IQCJ: variants seen among roughly 807,000 people sequenced by gnomAD.
IQCJ encodes IQ domain-containing protein J.
In IQCJ, 9 loss-of-function variants were observed where a neutral mutation model predicts 11.0. The ratio of observed to expected loss-of-function variants is 0.82; its 90% CI spans 0.49 to 1.43. The LOEUF (loss-of-function observed/expected upper bound fraction) is 1.43, where lower values mean the gene tolerates loss of function less well. IQCJ is among the 40% of genes most tolerant of loss of function. The pLI is 0.00. For synonymous variants in IQCJ, 55 were observed against 51.3 expected (o/e 1.07, Z -0.31); for missense variants, 146 against 133.2 (o/e 1.10, Z -0.47).
At chr3:159,239,960 A>C (rs1726820844) in intron 1 of IQCJ, among the ~76,000 whole-genome samples, 1 of 152,198 alleles carries the variant, frequency 6.6e-6, no homozygotes, top group African/African-American at 2.4e-5. Context: ...CACAATGATG[A>C]AATCTCCTAA....
chr3:159,160,254 A>G (rs1721760895), intron 1 of IQCJ, among the ~76,000 whole-genome samples: 1 of 152,230 alleles, frequency 6.6e-6, no homozygotes, highest in East Asian at 1.9e-4. Flanking sequence ...GGTACTCATT[A>G]TGGCTGTAAT....
At chr3:159,218,872 G>C (rs926773320) in intron 1 of IQCJ, among the ~76,000 whole-genome samples, 1 of 152,062 alleles carries the variant, frequency 6.6e-6, no homozygotes, top group Non-Finnish European at 1.5e-5. Flanking sequence ...TGTATGCAGG[G>C]CTTCGTTCCT....
At chr3:159,243,929 T>C (rs1727088041) in intron 1 of IQCJ, among the ~76,000 whole-genome samples, 1 of 151,988 alleles carries the variant, frequency 6.6e-6, no homozygotes, top group Admixed American at 6.6e-5. Flanking sequence ...GAAAGTGGGG[T>C]CAATAAGATT....
intron 1 of IQCJ, among the ~76,000 whole-genome samples, chr3:159,129,670 C>T (rs6771096): frequency 2.6e-3 from 403 of 152,222 alleles, no homozygotes; most frequent in African/African-American, 9.3e-3. Context: ...AGAAAAACCT[C>T]ATAATAAAGA....
At chr3:159,246,665 A>C (rs1170696773) in intron 2 of IQCJ, among the ~76,000 whole-genome samples, 1 of 152,188 alleles carries the variant, frequency 6.6e-6, no homozygotes. Flanking sequence ...GACATTGCCA[A>C]GAGTATTAGA....
intron 1 of IQCJ, among the ~76,000 whole-genome samples, chr3:159,171,822 A>C (rs10936172): frequency 0.71 from 107,605 of 152,038 alleles, 39,442 homozygotes; most frequent in African/African-American, 0.91. Flanking sequence ...CTGGGCCCCA[A>C]CCCCAGAGGG....
At chr3:159,189,155 A>G (rs1179921832) in intron 1 of IQCJ, among the ~76,000 whole-genome samples, 3 of 152,186 alleles carry the variant, frequency 2.0e-5, no homozygotes, top group Non-Finnish European at 4.4e-5. Flanking sequence ...CTATGGTGGT[A>G]TGTTTGGGAG....
At chr3:159,228,751 C>A (rs904772761) in intron 1 of IQCJ, among the ~76,000 whole-genome samples, 2 of 150,988 alleles carry the variant, frequency 1.3e-5, no homozygotes, top group Non-Finnish European at 3.0e-5. Flanking sequence ...TGCAGTGAGC[C>A]GAGATCCCGC....
chr3:159,187,549 G>T (rs956265327), intron 1 of IQCJ, among the ~76,000 whole-genome samples: 2 of 152,228 alleles, frequency 1.3e-5, no homozygotes, highest in Non-Finnish European at 2.9e-5. Flanking sequence ...ACCATGCTCC[G>T]CGCGGTCAGG....
chr3:159,194,752 G>A (rs1355233102), intron 1 of IQCJ, among the ~76,000 whole-genome samples: 1 of 152,142 alleles, frequency 6.6e-6, no homozygotes, highest in Non-Finnish European at 1.5e-5. Context: ...TGTGAACCAT[G>A]CAAGCTTCCT....
chr3:159,238,078 A>AGG (rs997314322), intron 1 of IQCJ, among the ~76,000 whole-genome samples: 1 of 152,130 alleles, frequency 6.6e-6, no homozygotes, highest in African/African-American at 2.4e-5. Context: ...GGGCAAAGGA[A>AGG]GGGAGAGGAA....
At chr3:159,250,571 A>G (rs964943672) in intron 2 of IQCJ, among the ~76,000 whole-genome samples, 2 of 152,170 alleles carry the variant, frequency 1.3e-5, no homozygotes, top group Admixed American at 6.5e-5. Flanking sequence ...GAAACTTGCA[A>G]TCTCGGCAGA....
At chr3:159,187,843 A>C (rs1321616292) in intron 1 of IQCJ, among the ~76,000 whole-genome samples, 2 of 152,134 alleles carry the variant, frequency 1.3e-5, no homozygotes, top group Non-Finnish European at 2.9e-5. Context: ...TTTCCTCCCT[A>C]AGGCTTCAGC....
intron 1 of IQCJ, among the ~76,000 whole-genome samples, chr3:159,152,184 T>A (rs559695284): frequency 6.6e-6 from 1 of 152,044 alleles, no homozygotes; most frequent in Non-Finnish European, 1.5e-5. Context: ...ATCAAGTAGG[T>A]CCCCATGGTA....
intron 1 of IQCJ, among the ~76,000 whole-genome samples, chr3:159,164,161 A>G (rs1243342119): frequency 6.6e-6 from 1 of 152,242 alleles, no homozygotes; most frequent in Admixed American, 6.5e-5. Context: ...CTAAGGGATC[A>G]TAAAACCCAA....
At chr3:159,124,183 C>T (rs1453190084) in intron 1 of IQCJ, among the ~76,000 whole-genome samples, 1 of 152,182 alleles carries the variant, frequency 6.6e-6, no homozygotes, top group Non-Finnish European at 1.5e-5. Context: ...ACTCCTTCCA[C>T]TTCTTCTTTC....
At chr3:159,246,030 G>A (rs1404847139) in intron 2 of IQCJ, 123 bp downstream of exon 2, 3 of 716,398 alleles carry the variant, frequency 4.2e-6, no homozygotes, top group Non-Finnish European at 6.7e-6. Flanking sequence ...TGTGGTCAGA[G>A]CCCAGAAATG....
intron 1 of IQCJ, among the ~76,000 whole-genome samples, chr3:159,164,492 G>A (rs1722053515): frequency 6.6e-6 from 1 of 152,172 alleles, no homozygotes; most frequent in African/African-American, 2.4e-5. Context: ...AGCTCTCCAG[G>A]CGCGGTGGCT....
chr3:159,245,313 C>A (rs1727192853), intron 1 of IQCJ, among the ~76,000 whole-genome samples: 1 of 150,438 alleles, frequency 6.6e-6, no homozygotes, highest in African/African-American at 2.4e-5. Context: ...GTAAACATAT[C>A]CAAATTCTGA....
Sources: gnomAD v4.1 joint callset for allele counts (sites outside exome capture counted in the v4.1 genomes callset) on GRCh38, gnomAD v4.1.1 for gene constraint, MANE v1.5 for transcripts, NCBI Gene and HGNC (gene_info 2026-07-23, HGNC 2026-07-21) for gene names.